Variants in AFAP1L1 observed in about 807,000 individuals in gnomAD.
AFAP1L1 encodes actin filament-associated protein 1-like 1.
In AFAP1L1, 77 loss-of-function variants were observed where a neutral mutation model predicts 99.8. The observed-to-expected ratio is 0.77, with a 90% CI of 0.64 to 0.93. The LOEUF (loss-of-function observed/expected upper bound fraction) is 0.93. Among genes scored for constraint, AFAP1L1 ranks in the 40% least tolerant of loss-of-function variants. The probability of loss-of-function intolerance (pLI) is 0.00; values close to 1 mark genes in which losing one functional copy is unlikely to be tolerated. For synonymous variants in AFAP1L1, 373 were observed against 395.3 expected (o/e 0.94, Z 0.67); for missense variants, 893 against 996.8 (o/e 0.90, Z 1.40).
Position 149,320,372 on chromosome 5 carries a change from C to G in AFAP1L1, c.1626-19C>G. The G allele has an allele frequency of 6.2e-7, 1 of 1,611,666 alleles. No homozygotes were observed. The highest frequency in any genetic ancestry group is 8.5e-7 in the Non-Finnish European group (1 of 1,177,964). On this transcript the variant is annotated intron_variant, in intron 13 of 18. Transcript: ENST00000296721. This position sits in a 1 kb window ranked among gnomAD's most constrained non-coding sequence, Gnocchi z 4.0. ...GCATCATTGTCATTGTCATTGTCAT[C>G]GTACATTTTATTTTCTAGATATGCA...
chr5:149,297,680 T>C (rs1756060389), intron 1 of AFAP1L1, among the ~76,000 whole-genome samples: 1 of 152,120 alleles, frequency 6.6e-6, no homozygotes, highest in African/African-American at 2.4e-5. Context: ...AAGATTTATA[T>C]TTAAAAGAAG....
At chr5:149,336,704 C>T (rs919659610) in intron 18 of AFAP1L1, among the ~76,000 whole-genome samples, 2 of 152,156 alleles carry the variant, frequency 1.3e-5, no homozygotes, top group Admixed American at 6.6e-5. Flanking sequence ...CATGATAACC[C>T]ATTAATGCAT....
chr5:149,284,152 A>G (rs1290152107), intron 1 of AFAP1L1, among the ~76,000 whole-genome samples: 2 of 152,242 alleles, frequency 1.3e-5, no homozygotes, highest in African/African-American at 2.4e-5. Context: ...CGAGAGCCCA[A>G]AAGAGCAGAT....
chr5:149,333,932 T>G (rs1486049056), intron 17 of AFAP1L1, among the ~76,000 whole-genome samples: 5 of 152,236 alleles, frequency 3.3e-5, no homozygotes, highest in African/African-American at 1.2e-4. Flanking sequence ...TATATATTTG[T>G]GTCCTTGCTT....
Position 149,316,234 on chromosome 5 carries a change from T to G in AFAP1L1, c.1198T>G (p.Phe400Val). 1 of 1,614,096 alleles carries G rather than the reference T, an allele frequency of 6.2e-7. No individual in the cohort carries two copies. The highest frequency in any genetic ancestry group is 1.3e-5 in the African/African-American group (1 of 75,026). The change falls in exon 11 of 19, where the codon TTC (phenylalanine) becomes GTC (valine). Residue 400 changes from phenylalanine (F) to valine (V), a missense_variant. Transcript: ENST00000296721. ...CCGCAAGATCACCCGTATCATTGGC[T>G]TCTCCAAGAAGAAGACACTGGCCGA... ...AGRKITRIIG[F>V]SKKKTLADDL... is the part of the protein sequence containing the mutation.
At chr5:149,303,954 G>A (rs1756317107) in intron 5 of AFAP1L1, among the ~76,000 whole-genome samples, 1 of 152,148 alleles carries the variant, frequency 6.6e-6, no homozygotes, top group African/African-American at 2.4e-5. Flanking sequence ...AGTATTTGCA[G>A]CCATCACAAC....
At chr5:149,301,294 C>G (rs1332190683) in intron 4 of AFAP1L1, 64 bp downstream of exon 4, 3 of 1,502,552 alleles carry the variant, frequency 2.0e-6, no homozygotes, top group East Asian at 2.3e-5. Context: ...GCAAGGGAAG[C>G]TCTCCCCTTC....
intron 10 of AFAP1L1, 55 bp from the exon 11 acceptor site, chr5:149,316,096 A>G: frequency 6.3e-7 from 1 of 1,594,830 alleles, no homozygotes; most frequent in Non-Finnish European, 8.6e-7. Context: ...AAGGAAGACT[A>G]AGGATGGGTG....
intron 1 of AFAP1L1, among the ~76,000 whole-genome samples, chr5:149,284,484 G>GA (rs1204311836): frequency 6.6e-6 from 1 of 152,018 alleles, no homozygotes; most frequent in Non-Finnish European, 1.5e-5. Flanking sequence ...TCAACTTTTT[G>GA]AAAAAAGAAA....
rs538457022 is a variant in AFAP1L1 at position 149,317,057 on chromosome 5, TG to T, written c.1268-669del. Among the ~76,000 whole-genome samples the T allele has an allele frequency of 3.3e-4, 50 of 152,136 alleles. 1 individual carries two copies. Among genetic ancestry groups the T allele is most frequent in the South Asian group, 2.5e-3 (12 of 4,818 alleles). On this transcript the variant is annotated intron_variant, in intron 11 of 18. Transcript: ENST00000296721. ...GTGTATGCCTGTAATCCCAGCTACT[TG>T]GGAGGCTGAGGTGGGAGGAACACTT...
chr5:149,334,884 A>C (rs1757359217), intron 17 of AFAP1L1, among the ~76,000 whole-genome samples: 1 of 152,154 alleles, frequency 6.6e-6, no homozygotes, highest in South Asian at 2.1e-4. Context: ...GTCTTACAAA[A>C]AAAAAAGAAA....
At chr5:149,298,296 C>CT (rs1756079357) in intron 1 of AFAP1L1, among the ~76,000 whole-genome samples, 1 of 152,128 alleles carries the variant, frequency 6.6e-6, no homozygotes, top group African/African-American at 2.4e-5. Context: ...TTCTCTGAGC[C>CT]TTAGTGTCTT....
intron 1 of AFAP1L1, among the ~76,000 whole-genome samples, chr5:149,297,769 A>T (rs1265608829): frequency 6.6e-6 from 1 of 152,190 alleles, no homozygotes; most frequent in African/African-American, 2.4e-5. Flanking sequence ...CCCAGACCAG[A>T]TGATAAGTAA....
Position 149,312,196 on chromosome 5 carries a change from C to T in AFAP1L1, c.1012C>T (p.Leu338=). ...CCCAGTCCTCCTGTGCAAGTTGGACCTGGACAAGGTATATCTGTCTCCACT... is the reference window on the plus strand; with the variant it reads ...CCCAGTCCTCCTGTGCAAGTTGGACTTGGACAAGGTATATCTGTCTCCACT... The part of the protein sequence containing the change: ...RSPVLLCKLD[L]DKRLSQEKQT... The change falls in exon 9 of 19, where the codon CTG becomes TTG. Residue 338 remains leucine (L), a synonymous_variant. Coordinates refer to ENST00000296721, the MANE Select transcript of AFAP1L1 (RefSeq NM_152406.4). 6.2e-7 allele frequency: 1 copy of T among 1,614,122 alleles called. No individual in the cohort carries two copies. The highest frequency in any genetic ancestry group is 8.5e-7 in the Non-Finnish European group (1 of 1,179,996).
intron 1 of AFAP1L1, among the ~76,000 whole-genome samples, chr5:149,274,613 T>C (rs1450557902): frequency 1.3e-5 from 2 of 152,244 alleles, no homozygotes; most frequent in African/African-American, 4.8e-5. Context: ...GCACAGTGGC[T>C]CACGCCCATA....
intron 17 of AFAP1L1, among the ~76,000 whole-genome samples, chr5:149,333,834 G>C (rs1230101238): frequency 6.6e-6 from 1 of 152,134 alleles, no homozygotes; most frequent in East Asian, 1.9e-4. Flanking sequence ...GCAAAAAACT[G>C]ACCCTGGTTG....
intron 1 of AFAP1L1, among the ~76,000 whole-genome samples, chr5:149,294,242 G>A (rs1372554872): frequency 6.6e-6 from 1 of 152,164 alleles, no homozygotes; most frequent in Non-Finnish European, 1.5e-5. Context: ...AGACTTTCTG[G>A]ATAGGAGGTC....
intron 16 of AFAP1L1, among the ~76,000 whole-genome samples, chr5:149,330,054 G>A (rs1435165603): frequency 6.6e-6 from 1 of 152,094 alleles, no homozygotes; most frequent in African/African-American, 2.4e-5. Flanking sequence ...ACTTGTTTTG[G>A]AGGATGAAAA....
At position 149,320,287 on chromosome 5, in the gene AFAP1L1, C is replaced by CT; in HGVS notation, c.1626-102dup. Reference sequence around the variant, plus strand: ...TGCTTTTACCAATCTTCTGATCTGCCTTAAGAGTTTCTGCCAGAATCAATG... The same window carrying CT: ...TGCTTTTACCAATCTTCTGATCTGCCTTTAAGAGTTTCTGCCAGAATCAATG... On this transcript the variant is annotated intron_variant, in intron 13 of 18. Coordinates refer to ENST00000296721, the MANE Select transcript of AFAP1L1 (RefSeq NM_152406.4). The surrounding 1 kb of genome is among the most constrained non-coding windows in gnomAD (Gnocchi z 4.0). The CT allele has an allele frequency of 1.7e-6, 2 of 1,149,270 alleles. No homozygotes were observed. Among genetic ancestry groups the CT allele is most frequent in the Middle Eastern group, 3.8e-4 (2 of 5,200 alleles). The allele number at this position is 1,149,270 out of a possible 1,614,324, so 71.2% of individuals were successfully genotyped here.
Sources: gnomAD v4.1 joint callset for allele counts (sites outside exome capture counted in the v4.1 genomes callset) on GRCh38, gnomAD v4.1.1 for gene constraint, Gnocchi (gnomAD v3.1) non-coding constraint, MANE v1.5 for transcripts, NCBI Gene and HGNC (gene_info 2026-07-23, HGNC 2026-07-21) for gene names.